TMEM255B: variants seen among roughly 807,000 people sequenced by gnomAD.
The protein encoded by TMEM255B is family with sequence similarity 70, member B.
Under a neutral mutation model 34.5 loss-of-function variants are expected in TMEM255B, and 35 were observed. The ratio of observed to expected loss-of-function variants is 1.01; its 90% CI spans 0.77 to 1.34. The LOEUF (loss-of-function observed/expected upper bound fraction) is 1.34. TMEM255B is among the 40% of genes most tolerant of loss of function. The pLI is 0.00. For missense variants in TMEM255B, 432 were observed against 433.2 expected (o/e 1.00, Z 0.02); for synonymous variants, 206 against 201.2 (o/e 1.02, Z -0.20).
chr13:113,784,207 TA>T (rs1453803039), intron 3 of TMEM255B, among the ~76,000 whole-genome samples: 3 of 151,992 alleles, frequency 2.0e-5, no homozygotes, highest in Non-Finnish European at 2.9e-5. Context: ...TGTGAGCTGG[TA>T]AGAGGAGGCC....
In TMEM255B at chr13:113,778,837, G is replaced by T. The variant is rs183495046; in HGVS notation, c.252+9677G>T. Among the ~76,000 whole-genome samples the T allele has an allele frequency of 3.3e-4, 51 of 152,354 alleles. 1 individual carries two copies. The highest frequency in any genetic ancestry group is 3.0e-3 in the Admixed American group (46 of 15,304). ...GGCAGGGCCTCCACTGACCCATAGA[G>T]AAACTGACCCGTAGAGAAACACCCA... is the stretch of plus-strand genomic sequence containing the variant. On this transcript the variant is annotated intron_variant, in intron 3 of 8. Transcript: ENST00000375353.
chr13:113,774,672 TG>T (rs1208070208), intron 3 of TMEM255B, among the ~76,000 whole-genome samples: 22 of 78,844 alleles, frequency 2.8e-4, no homozygotes, highest in African/African-American at 1.4e-3. Flanking sequence ...ACCACACATA[TG>T]ACACACACAC....
chr13:113,767,865 T>G (rs2050414697), intron 2 of TMEM255B, among the ~76,000 whole-genome samples: 1 of 152,226 alleles, frequency 6.6e-6, no homozygotes, highest in African/African-American at 2.4e-5. Context: ...AACAGATGTA[T>G]TTTAATACAT....
rs149393756 is a variant in TMEM255B at position 113,784,554 on chromosome 13, A to G, written c.253-10594A>G. Reference sequence around the variant, plus strand: ...TATGAAGAGGAAGAAGAAGAAGAAGAAGGAGGAGAAGGGAGGAGGAGAAGG... The same window carrying G: ...TATGAAGAGGAAGAAGAAGAAGAAGGAGGAGGAGAAGGGAGGAGGAGAAGG... On this transcript the variant is annotated intron_variant, in intron 3 of 8. Transcript: ENST00000375353. Among the ~76,000 whole-genome samples, 1,514 of 151,980 alleles carry G rather than the reference A, an allele frequency of 1.0e-2. 23 individuals are homozygous for G. The highest frequency in any genetic ancestry group is 0.032 in the African/African-American group (1,330 of 41,450).
chr13:113,793,576 C>T (rs550066409), intron 3 of TMEM255B, among the ~76,000 whole-genome samples: 52 of 149,892 alleles, frequency 3.5e-4, no homozygotes, highest in African/African-American at 1.2e-3. Flanking sequence ...TCTGTGGACT[C>T]GCTCTCCGGC....
intron 5 of TMEM255B, among the ~76,000 whole-genome samples, chr13:113,800,511 T>A (rs1229773634): frequency 6.6e-6 from 1 of 152,098 alleles, no homozygotes; most frequent in Non-Finnish European, 1.5e-5. Flanking sequence ...GAAGGCCTCC[T>A]GGGCTCTGTC....
At chr13:113,804,204 G>T (rs1385712391) in intron 7 of TMEM255B, among the ~76,000 whole-genome samples, 1 of 152,214 alleles carries the variant, frequency 6.6e-6, no homozygotes, top group Non-Finnish European at 1.5e-5. Context: ...CGGGGCCTGA[G>T]TTGGAGCCAG....
intron 1 of TMEM255B, among the ~76,000 whole-genome samples, chr13:113,764,385 G>A (rs1382435530): frequency 2.0e-5 from 3 of 152,342 alleles, no homozygotes; most frequent in African/African-American, 4.8e-5. Flanking sequence ...GAACCCCAGG[G>A]CGTGTTCCTG....
At chr13:113,799,967 T>A in intron 5 of TMEM255B, 1 of 1,278,280 alleles carries the variant, frequency 7.8e-7, no homozygotes, top group Non-Finnish European at 1.0e-6. Flanking sequence ...CCTCTCATCC[T>A]CAGCACGCGT....
Position 113,759,297 on chromosome 13 carries a change from G to T in TMEM255B, c.28G>T (p.Gly10Cys). Residue 10 changes from glycine (G) to cysteine (C), a missense_variant, in exon 1 of 9, where the codon GGC becomes TGC. By Grantham distance (159) the Gly-to-Cys change is radical. Coordinates refer to ENST00000375353, the MANE Select transcript of TMEM255B (RefSeq NM_182614.4). ...GCAGCCGCCGGTGCCCGGGCCCCTG[G>T]GCCTGCTGGACCCCGCAGGTGAGCG... MQPPVPGPL[G>C]LLDPAEGLSR... The T allele has an allele frequency of 8.1e-7, 1 of 1,229,394 alleles. No homozygotes were observed. Among genetic ancestry groups the T allele is most frequent in the East Asian group, 3.2e-5 (1 of 31,578 alleles). The allele number at this position is 1,229,394 out of a possible 1,614,324, so 76.2% of individuals were successfully genotyped here. A position where few individuals can be genotyped will look rare whatever the true frequency, so the allele number is the denominator to read the frequency against.
In TMEM255B at chr13:113,800,074, G is replaced by T. The variant is rs2051015691; in HGVS notation, c.423+655G>T. The T allele has an allele frequency of 2.5e-6, 3 of 1,191,950 alleles. No homozygotes were observed. The South Asian group carries it at 4.6e-5, about 18-fold the overall frequency. The allele number at this position is 1,191,950 out of a possible 1,614,324, so 73.8% of individuals were successfully genotyped here. A position where few individuals can be genotyped will look rare whatever the true frequency, so the allele number is the denominator to read the frequency against. ...CTGCCGGGAGGCATCGTGTGTGTGT[G>T]TGTGTTTATGTGTGTGTGTGTGGGG... On this transcript the variant is annotated intron_variant, in intron 5 of 8. Transcript: ENST00000375353.
At chr13:113,767,862 G>A (rs2050414652) in intron 2 of TMEM255B, among the ~76,000 whole-genome samples, 2 of 152,210 alleles carry the variant, frequency 1.3e-5, no homozygotes, top group African/African-American at 2.4e-5. Flanking sequence ...TGTAACAGAT[G>A]TATTTTAATA....
chr13:113,773,035 A>G (rs1249057076), intron 3 of TMEM255B, among the ~76,000 whole-genome samples: 1 of 152,160 alleles, frequency 6.6e-6, no homozygotes, highest in East Asian at 1.9e-4. Flanking sequence ...TGAACATGGA[A>G]TGTTTTCCCA....
rs1566341995 is a variant in TMEM255B, at chr13:113,812,941, A to ACAGGCATCC, written c.*1039_*1040insAGGCATCCC. 4.3e-5 allele frequency: 6 copies of ACAGGCATCC among 138,930 alleles called. 1 individual carries two copies. The highest frequency in any genetic ancestry group is 7.7e-5 in the Non-Finnish European group (5 of 65,106). 8.6% of individuals were successfully genotyped at this position (138,930 alleles called of 1,614,324 possible). A position where few individuals can be genotyped will look rare whatever the true frequency, so the allele number is the denominator to read the frequency against. ...GTGAGTCACGGGTCCCGGGTGGGTC[A>ACAGGCATCC]CGGGTCCCGGGTGGGTCACGGGCCC... is the stretch of plus-strand genomic sequence containing the variant. On this transcript the variant is annotated 3_prime_UTR_variant, in exon 9 of 9. Coordinates refer to ENST00000375353, the MANE Select transcript of TMEM255B (RefSeq NM_182614.4).
At chr13:113,765,421 C>T (rs569068143) in intron 1 of TMEM255B, among the ~76,000 whole-genome samples, 122 of 152,340 alleles carry the variant, frequency 8.0e-4, no homozygotes, top group African/African-American at 2.8e-3. Context: ...AATGTCTGCA[C>T]GGCCGTCATC....
At chr13:113,801,050 G>A in intron 6 of TMEM255B, 138 bp downstream of exon 6, 2 of 343,330 alleles carry the variant, frequency 5.8e-6, no homozygotes, top group East Asian at 3.5e-4. Flanking sequence ...GGGGCGCTGG[G>A]AACCCCCGTA....
intron 8 of TMEM255B, among the ~76,000 whole-genome samples, chr13:113,807,469 C>T (rs1462368089): frequency 8.4e-6 from 1 of 119,618 alleles, no homozygotes; most frequent in African/African-American, 3.3e-5. Flanking sequence ...TGGGGGTGGT[C>T]CTCCCCGTCA....
At position 113,770,221 on chromosome 13, in the gene TMEM255B, C is replaced by G. The variant is rs1000497254; in HGVS notation, c.252+1061C>G. 1.1e-4 allele frequency among the ~76,000 whole-genome samples: 16 copies of G among 152,208 alleles called. No individual in the cohort carries two copies. The highest frequency in any genetic ancestry group is 3.9e-4 in the African/African-American group (16 of 41,452). ...AAGTCCTGTCTTACGTGGATGGCAG[C>G]AGGCAAAGACAGAGCCTGTGCAGGG... On this transcript the variant is annotated intron_variant, in intron 3 of 8. Coordinates refer to ENST00000375353, the MANE Select transcript of TMEM255B (RefSeq NM_182614.4). The surrounding 1 kb of genome is among the most constrained non-coding windows in gnomAD (Gnocchi z 4.6).
At chr13:113,798,598 G>A (rs1411570702) in intron 4 of TMEM255B, among the ~76,000 whole-genome samples, 1 of 147,090 alleles carries the variant, frequency 6.8e-6, no homozygotes, top group Non-Finnish European at 1.5e-5. Flanking sequence ...AATGGATGAT[G>A]GATGGATGGA....
Sources: allele counts gnomAD v4.1 joint callset (sites outside exome capture counted in the v4.1 genomes callset), GRCh38; gene constraint gnomAD v4.1.1; non-coding constraint Gnocchi (gnomAD v3.1); transcripts MANE v1.5; gene names NCBI Gene and HGNC (gene_info 2026-07-23, HGNC 2026-07-21).